Variants in PIGN observed in about 807,000 individuals in gnomAD.
The protein encoded by PIGN is phosphatidylinositol glycan anchor biosynthesis class N.
A neutral mutation model predicts 125.4 loss-of-function variants in PIGN; 117 were observed. The ratio of observed to expected loss-of-function variants is 0.93; its 90% CI spans 0.80 to 1.09. The LOEUF (loss-of-function observed/expected upper bound fraction) is 1.09. Among genes scored for constraint, PIGN ranks in the 50% least tolerant of loss-of-function variants. The pLI is 0.00. For missense variants in PIGN, 1,075 were observed against 1,094.9 expected, an observed-to-expected ratio of 0.98 and a Z score of 0.26; for synonymous variants, 392 against 377.8, an observed-to-expected ratio of 1.04 and a Z score of -0.44.
At chr18:62,065,509 C>T (rs11665401) in intron 30 of PIGN, among the ~76,000 whole-genome samples, 4,028 of 152,124 alleles carry the variant, frequency 0.026, 80 homozygotes, top group Non-Finnish European at 0.039. Context: ...GAGGCCGAGG[C>T]GGGCGGATCA....
chr18:62,177,546 A>AT (rs2037568898), intron 1 of PIGN, among the ~76,000 whole-genome samples: 2 of 151,900 alleles, frequency 1.3e-5, no homozygotes, highest in South Asian at 4.2e-4. Context: ...CAATTTGTTT[A>AT]TTTTTTTCTG....
At chr18:62,165,907 G>A (rs1413202305) in intron 1 of PIGN, among the ~76,000 whole-genome samples, 1 of 152,144 alleles carries the variant, frequency 6.6e-6, no homozygotes, top group Admixed American at 6.5e-5. Context: ...AAAGTAAATG[G>A]GAGGTGAGGG....
rs1206988084 is a variant in PIGN at position 62,115,464 on chromosome 18, G to T, written c.1173-825C>A. On this transcript the variant is annotated intron_variant, in intron 14 of 30. Coordinates refer to ENST00000640252, the MANE Select transcript of PIGN (RefSeq NM_176787.5). The stretch of plus-strand genomic sequence containing the variant: ...TTTACATTTTAAAAATGCATGCAAA[G>T]TTATTTAAGGCTATATTAGGTTGGA... Among the ~76,000 whole-genome samples the T allele has an allele frequency of 4.6e-5, 7 of 152,082 alleles. No homozygotes were observed. The East Asian group carries it at 1.2e-3, about 25-fold the overall frequency.
intron 28 of PIGN, among the ~76,000 whole-genome samples, chr18:62,081,008 A>G (rs1443385896): frequency 3.3e-5 from 5 of 152,204 alleles, no homozygotes; most frequent in Non-Finnish European, 5.9e-5. Context: ...ATTTTAAGTT[A>G]TGAAAAAAAA....
chr18:62,102,823 T>C lies in PIGN; in HGVS notation c.1939A>G (p.Lys647Glu), dbSNP rs1599525033. The C allele has an allele frequency of 6.4e-7, 1 of 1,566,390 alleles. No homozygotes were observed. Among genetic ancestry groups the C allele is most frequent in the Admixed American group, 1.8e-5 (1 of 54,694 alleles). ...SLMKRKDSFIKEELLVHLLQV... is the reference protein window; with the variant it reads ...SLMKRKDSFIEEELLVHLLQV... ...AACAGATGTACCAATAGCTCTTCCT[T>C]TATAAAGCTATCTTTTCTTTTCATG... Residue 647 changes from lysine to glutamate, a missense_variant, in exon 21 of 31, where the codon AAG (lysine) becomes GAG (glutamate). Transcript: ENST00000640252.
At chr18:62,146,363 C>G (rs1474878003) in intron 9 of PIGN, among the ~76,000 whole-genome samples, 3 of 152,152 alleles carry the variant, frequency 2.0e-5, no homozygotes, top group Admixed American at 6.5e-5. Context: ...AGAGAGCTCC[C>G]TTGGGCAGTA....
chr18:62,136,922 A>G (rs1013456404), intron 14 of PIGN: 2 of 393,006 alleles, frequency 5.1e-6, no homozygotes, highest in Non-Finnish European at 9.0e-6. Flanking sequence ...TCTGCTGCTC[A>G]CCAAAGTCAG....
intron 24 of PIGN, among the ~76,000 whole-genome samples, chr18:62,090,063 G>A (rs543867041): frequency 6.6e-6 from 1 of 152,178 alleles, no homozygotes; most frequent in East Asian, 1.9e-4. Context: ...AACAACAATA[G>A]AAACGTAAAT....
intron 28 of PIGN, among the ~76,000 whole-genome samples, chr18:62,081,045 A>G (rs1374320949): frequency 6.6e-6 from 1 of 152,174 alleles, no homozygotes; most frequent in East Asian, 1.9e-4. Flanking sequence ...TTTCTACTTC[A>G]CTTTTGTTCA....
intron 16 of PIGN, among the ~76,000 whole-genome samples, chr18:62,111,425 A>C (rs2034875381): frequency 6.6e-6 from 1 of 152,056 alleles, no homozygotes. Context: ...TCCCACCAAG[A>C]CTTACTTTTT....
At chr18:62,072,530 T>C in intron 30 of PIGN, 143 bp downstream of exon 30, 1 of 627,928 alleles carries the variant, frequency 1.6e-6, no homozygotes, top group Non-Finnish European at 2.8e-6. Flanking sequence ...GGCTGTACCA[T>C]ATCCTAGGTG....
At chr18:62,032,660 T>A (rs1211508769) in intron 23 of PIGN, among the ~76,000 whole-genome samples, 1 of 152,272 alleles carries the variant, frequency 6.6e-6, no homozygotes, top group Non-Finnish European at 1.5e-5. Flanking sequence ...GCATTTAAAA[T>A]TTTTTTTAAA....
intron 4 of PIGN, among the ~76,000 whole-genome samples, chr18:62,160,746 T>C (rs942510167): frequency 3.9e-5 from 6 of 152,140 alleles, no homozygotes; most frequent in African/African-American, 1.4e-4. Context: ...TGACCTCAGG[T>C]GATCCCTGTG....
intron 1 of PIGN, among the ~76,000 whole-genome samples, chr18:62,176,907 G>C (rs1477744448): frequency 6.6e-6 from 1 of 151,910 alleles, no homozygotes; most frequent in African/African-American, 2.4e-5. Flanking sequence ...GGGTGTACTG[G>C]AACTCTGTAC....
intron 30 of PIGN, among the ~76,000 whole-genome samples, chr18:62,061,745 A>G (rs992444270): frequency 5.3e-5 from 8 of 152,344 alleles, no homozygotes; most frequent in Non-Finnish European, 1.2e-4. Context: ...TATCAGCGAC[A>G]TGACAAGAAA....
At chr18:62,176,745 C>T (rs778556443) in intron 1 of PIGN, among the ~76,000 whole-genome samples, 4 of 151,974 alleles carry the variant, frequency 2.6e-5, no homozygotes, top group Non-Finnish European at 5.9e-5. Context: ...TACCTAAACA[C>T]AACAAGGGAA....
chr18:62,148,210 T>C lies in PIGN; in HGVS notation c.674+4A>G, dbSNP rs976567987. The C allele has an allele frequency of 1.3e-6, 2 of 1,533,378 alleles. No homozygotes were observed. Among genetic ancestry groups the C allele is most frequent in the South Asian group, 2.5e-5 (2 of 78,714 alleles). The allele number at this position is 1,533,378 out of a possible 1,614,324, so 95.0% of individuals were successfully genotyped here. A position where few individuals can be genotyped will look rare whatever the true frequency, so the allele number is the denominator to read the frequency against. ...AAATACAATTAAACACAATATTAAA[T>C]TACCTCGAGGATGGTCGATGAGCAT... On this transcript the variant is annotated splice_donor_region_variant and intron_variant, in intron 8 of 30. Coordinates refer to ENST00000640252, the MANE Select transcript of PIGN (RefSeq NM_176787.5).
chr18:62,096,528 T>C (rs1169543657), intron 22 of PIGN, among the ~76,000 whole-genome samples: 26 of 138,804 alleles, frequency 1.9e-4, no homozygotes, highest in Middle Eastern at 3.6e-3. Context: ...TTTTTTTTTT[T>C]TTTTTTTTTT....
chr18:62,036,877 A>T (rs1176831822), downstream of PIGN, among the ~76,000 whole-genome samples: 2 of 152,200 alleles, frequency 1.3e-5, no homozygotes, highest in Non-Finnish European at 2.9e-5. Flanking sequence ...TTTGAGGTCA[A>T]CCAGCTGGTG....
Sources: allele counts gnomAD v4.1 joint callset (sites outside exome capture counted in the v4.1 genomes callset), GRCh38; gene constraint gnomAD v4.1.1; transcripts MANE v1.5; gene names NCBI Gene and HGNC (gene_info 2026-07-23, HGNC 2026-07-21).